Variants in RANBP17 observed in about 807,000 individuals in gnomAD.
RANBP17 encodes the protein RAN binding protein 17, also known as ran-binding protein 17.
RANBP17 carries 158 observed loss-of-function variants against 141.2 expected under a neutral mutation model. The observed-to-expected ratio is 1.12, with a 90% confidence interval of 0.98 to 1.28. The LOEUF (loss-of-function observed/expected upper bound fraction) is 1.28. Ranked by LOEUF, RANBP17 falls within the 50% of genes most tolerant of loss-of-function variation. RANBP17 has a pLI of 0.00. For missense variants in RANBP17, 1,438 were observed against 1,290.7 expected (o/e 1.11, Z -1.75); for synonymous variants, 430 against 450.0 (o/e 0.96, Z 0.56).
At chr5:171,013,820 G>A (rs979726465) in intron 14 of RANBP17, among the ~76,000 whole-genome samples, 4 of 152,006 alleles carry the variant, frequency 2.6e-5, no homozygotes, top group African/African-American at 9.7e-5. Context: ...GTGTTTATTG[G>A]AATTGCACTG....
At position 171,241,009 on chromosome 5, in the gene RANBP17, C is replaced by T. The variant is rs764897699; in HGVS notation, c.2504C>T (p.Ser835Leu). The change falls in exon 23 of 28, where the codon TCA becomes TTA. Residue 835 changes from serine to leucine, a missense_variant. By Grantham distance (145) the Ser-to-Leu change is moderately radical. Coordinates refer to ENST00000523189, the MANE Select transcript of RANBP17 (RefSeq NM_022897.5). ...MKLKGISICY[S>L]ALKSALCGNY... ...CTCAAGGGCATCTCCATCTGCTATTCAGCTCTCAAGTCTGCCTTGTGTGGA... is the reference window on the plus strand; with the variant it reads ...CTCAAGGGCATCTCCATCTGCTATTTAGCTCTCAAGTCTGCCTTGTGTGGA... 1.2e-6 allele frequency: 2 copies of T among 1,613,904 alleles called. No individual in the cohort carries two copies. Among genetic ancestry groups the T allele is most frequent in the Non-Finnish European group, 1.7e-6 (2 of 1,179,832 alleles).
chr5:170,885,921 G>T (rs1431834738), intron 3 of RANBP17, among the ~76,000 whole-genome samples: 1 of 148,056 alleles, frequency 6.8e-6, no homozygotes, highest in East Asian at 2.0e-4. Flanking sequence ...TCCTTGACTG[G>T]CTCTGCTGTT....
intron 14 of RANBP17, among the ~76,000 whole-genome samples, chr5:171,097,747 A>G (rs1786807596): frequency 1.3e-5 from 2 of 151,604 alleles, no homozygotes; most frequent in Admixed American, 6.6e-5. Flanking sequence ...TCAACCAGTC[A>G]TCTACATTAG....
At position 170,964,695 on chromosome 5, in the gene RANBP17, A is replaced by G. The variant is rs577666837; in HGVS notation, c.1575-3547A>G. 2.2e-4 allele frequency among the ~76,000 whole-genome samples: 34 copies of G among 152,164 alleles called. 1 individual carries two copies. In the South Asian group the frequency reaches 6.8e-3, roughly 31 times the overall value. On this transcript the variant is annotated intron_variant, in intron 13 of 27. Transcript: ENST00000523189. ...AGTTTACTGAGAATGATGATTTCCA[A>G]TTTCATCCATGTCCCTACAAAGGAC... is the stretch of plus-strand genomic sequence containing the variant.
At chr5:171,063,946 G>T (rs1784111522) in intron 14 of RANBP17, among the ~76,000 whole-genome samples, 1 of 152,228 alleles carries the variant, frequency 6.6e-6, no homozygotes, top group African/African-American at 2.4e-5. Context: ...GAGACTCCGT[G>T]GGCGTAGGAC....
chr5:171,264,887 A>G (rs183756520), intron 24 of RANBP17, among the ~76,000 whole-genome samples: 121 of 152,316 alleles, frequency 7.9e-4, no homozygotes, highest in Admixed American at 3.0e-3. Flanking sequence ...TCTAATTGGA[A>G]TAATCTTTTG....
intron 18 of RANBP17, among the ~76,000 whole-genome samples, chr5:171,189,468 A>T (rs1056294462): frequency 6.6e-6 from 1 of 152,190 alleles, no homozygotes; most frequent in Non-Finnish European, 1.5e-5. Context: ...TTCTAGCACC[A>T]GTCAGGGTCT....
At chr5:170,923,839 C>T (rs1000648202) in intron 11 of RANBP17, among the ~76,000 whole-genome samples, 2 of 151,980 alleles carry the variant, frequency 1.3e-5, no homozygotes, top group Admixed American at 6.6e-5. Context: ...ATATTGACCT[C>T]GTATGCTATG....
chr5:171,224,267 A>T (rs1763756350), intron 22 of RANBP17, among the ~76,000 whole-genome samples: 1 of 152,236 alleles, frequency 6.6e-6, no homozygotes, highest in Non-Finnish European at 1.5e-5. Context: ...TATGTATAAG[A>T]ATCTCTTAGT....
intron 14 of RANBP17, among the ~76,000 whole-genome samples, chr5:171,019,764 G>A (rs1471167529): frequency 2.0e-5 from 3 of 151,196 alleles, no homozygotes; most frequent in African/African-American, 7.3e-5. Flanking sequence ...ATCTCCTTAA[G>A]TTCTTCAATT....
chr5:171,018,791 A>G (rs897881091), intron 14 of RANBP17, among the ~76,000 whole-genome samples: 7 of 152,156 alleles, frequency 4.6e-5, no homozygotes, highest in Admixed American at 2.0e-4. Flanking sequence ...TTCCAATACT[A>G]CATTGAATAG....
chr5:171,047,255 T>G (rs575999532), intron 14 of RANBP17, among the ~76,000 whole-genome samples: 1 of 151,484 alleles, frequency 6.6e-6, no homozygotes, highest in East Asian at 2.0e-4. Context: ...TGACCTCATG[T>G]GATCCACCCA....
intron 25 of RANBP17, among the ~76,000 whole-genome samples, chr5:171,281,010 C>CCA (rs2128036548): frequency 6.6e-6 from 1 of 152,254 alleles, no homozygotes; most frequent in East Asian, 1.9e-4. Flanking sequence ...GAGGATAACA[C>CCA]CACCTCACCC....
intron 9 of RANBP17, 77 bp downstream of exon 9, chr5:170,916,661 G>A: frequency 2.4e-6 from 2 of 837,194 alleles, no homozygotes; most frequent in Non-Finnish European, 3.4e-6. Flanking sequence ...AACTCATCAT[G>A]AATTTATTAT....
intron 1 of RANBP17, among the ~76,000 whole-genome samples, chr5:170,875,139 A>C (rs750356129): frequency 6.6e-6 from 1 of 152,156 alleles, no homozygotes; most frequent in Non-Finnish European, 1.5e-5. Context: ...TGACTTTAAG[A>C]ATGTTGAATA....
chr5:171,086,305 G>T (rs1785649287), intron 14 of RANBP17, among the ~76,000 whole-genome samples: 1 of 149,308 alleles, frequency 6.7e-6, no homozygotes, highest in Non-Finnish European at 1.5e-5. Flanking sequence ...TGCATCCCAG[G>T]GATGAAGCCC....
At chr5:170,943,837 A>T (rs868481264) in intron 12 of RANBP17, among the ~76,000 whole-genome samples, 1 of 152,124 alleles carries the variant, frequency 6.6e-6, no homozygotes, top group African/African-American at 2.4e-5. Context: ...CAGCCAAATT[A>T]TCCTATCACC....
At chr5:171,279,804 A>G (rs1767742724) in intron 25 of RANBP17, among the ~76,000 whole-genome samples, 1 of 152,154 alleles carries the variant, frequency 6.6e-6, no homozygotes, top group Non-Finnish European at 1.5e-5. Context: ...GAGATGTGTG[A>G]AAGAACTTGC....
intron 14 of RANBP17, among the ~76,000 whole-genome samples, chr5:171,050,434 T>C (rs1357264591): frequency 1.3e-5 from 2 of 152,202 alleles, no homozygotes; most frequent in Non-Finnish European, 2.9e-5. Context: ...TGCTTTTAAC[T>C]GTAATACATA....
Sources: allele counts gnomAD v4.1 joint callset (sites outside exome capture counted in the v4.1 genomes callset), GRCh38; gene constraint gnomAD v4.1.1; transcripts MANE v1.5; gene names NCBI Gene and HGNC (gene_info 2026-07-23, HGNC 2026-07-21).